The following ARHGEF3 variants were observed in gnomAD, a reference collection of about 807,000 sequenced individuals.
The protein encoded by ARHGEF3 is 59.8 kDA protein.
ARHGEF3 carries 28 observed loss-of-function variants against 63.2 expected under a neutral mutation model. That is an observed-to-expected ratio of 0.44 (90% CI 0.33 to 0.61). ARHGEF3 has a LOEUF of 0.61. Ranked by LOEUF, ARHGEF3 falls within the 20% of genes least tolerant of loss-of-function variation. The pLI, the probability that ARHGEF3 is intolerant of heterozygous loss-of-function variation, is 0.03. For missense variants in ARHGEF3, 533 were observed against 659.3 expected, an observed-to-expected ratio of 0.81 and a Z score of 2.10; for synonymous variants, 266 against 254.2, an observed-to-expected ratio of 1.05 and a Z score of -0.44.
chr3:56,789,469 C>T (rs2036977143), intron 1 of ARHGEF3, among the ~76,000 whole-genome samples: 1 of 152,226 alleles, frequency 6.6e-6, no homozygotes, highest in South Asian at 2.1e-4. Context: ...TAACGTAGCA[C>T]AGATTCATTT....
chr3:56,958,938 G>C, intron 2 of ARHGEF3: 1 of 1,506,980 alleles, frequency 6.6e-7, no homozygotes, highest in Non-Finnish European at 9.0e-7. Context: ...TGGATATTCA[G>C]AGGAAGTCAC....
At chr3:56,997,726 G>A (rs1702048236) in intron 2 of ARHGEF3, among the ~76,000 whole-genome samples, 1 of 152,112 alleles carries the variant, frequency 6.6e-6, no homozygotes, top group Non-Finnish European at 1.5e-5. Flanking sequence ...AGATGACGAA[G>A]GGTAAATGAT....
intron 1 of ARHGEF3, among the ~76,000 whole-genome samples, chr3:56,784,695 C>A (rs2107889554): frequency 6.6e-6 from 1 of 152,348 alleles, no homozygotes; most frequent in Non-Finnish European, 1.5e-5. Flanking sequence ...TCTGGGCTCT[C>A]TCAGAGCTTA....
chr3:57,023,044 A>G (rs757400216), intron 2 of ARHGEF3, among the ~76,000 whole-genome samples: 3 of 152,092 alleles, frequency 2.0e-5, no homozygotes, highest in African/African-American at 7.2e-5. Flanking sequence ...TGCTCACCCT[A>G]TCACATACTC....
At position 56,968,197 on chromosome 3, in the gene ARHGEF3, AATATATAAAAATATATATTATATATAAT is replaced by A. The variant is rs1403886164; in HGVS notation, c.63-9336_63-9309del. On this transcript the variant is annotated intron_variant, in intron 2 of 12. Coordinates refer to the ARHGEF3 transcript ENST00000338458. ...ATATATAAAAATATATATTATATAT[AATATATAAAAATATATATTATATATAAT>A]ATATATATAAATATATATATTAATA... Among the ~76,000 whole-genome samples the A allele has an allele frequency of 2.8e-3, 45 of 15,958 alleles. 2 individuals carry two copies. The highest frequency in any genetic ancestry group is 4.8e-3 in the Non-Finnish European group (35 of 7,334). 10.5% of individuals were successfully genotyped at this position (15,958 alleles called of 152,430 possible).
chr3:56,954,328 A>G (rs1278161267), intron 3 of ARHGEF3, among the ~76,000 whole-genome samples: 1 of 152,082 alleles, frequency 6.6e-6, no homozygotes, highest in African/African-American at 2.4e-5. Flanking sequence ...CCACCCCAAC[A>G]GGAGGAGCTG....
intron 2 of ARHGEF3, among the ~76,000 whole-genome samples, chr3:56,968,060 T>TATAC: frequency 1.0e-4 from 1 of 9,542 alleles, no homozygotes; most frequent in Non-Finnish European, 2.1e-4. Flanking sequence ...ATAATATATA[T>TATAC]AATATATATA....
chr3:57,006,910 C>T (rs994954304), intron 2 of ARHGEF3, among the ~76,000 whole-genome samples: 4 of 152,146 alleles, frequency 2.6e-5, no homozygotes. Context: ...ATGGCACAAC[C>T]CTGCTTAGGG....
At chr3:57,021,022 G>T (rs142799790) in intron 2 of ARHGEF3, among the ~76,000 whole-genome samples, 24 of 152,328 alleles carry the variant, frequency 1.6e-4, no homozygotes, top group African/African-American at 5.5e-4. Flanking sequence ...GCCTCAAACA[G>T]AAGGAAAGCT....
chr3:57,008,482 C>T (rs1343628841), intron 2 of ARHGEF3, among the ~76,000 whole-genome samples: 2 of 146,496 alleles, frequency 1.4e-5, no homozygotes, highest in African/African-American at 5.0e-5. Context: ...ACGGACAAGC[C>T]TTTTTTTTTT....
rs1012025534 is a variant in ARHGEF3, at chr3:56,744,424, G to A, written c.870+781C>T. Among the ~76,000 whole-genome samples, 4 of 142,236 alleles carry A rather than the reference G, an allele frequency of 2.8e-5. 1 individual carries two copies. 93.3% of individuals were successfully genotyped at this position (142,236 alleles called of 152,430 possible). A position where few individuals can be genotyped will look rare whatever the true frequency, so the allele number is the denominator to read the frequency against. On this transcript the variant is annotated intron_variant, in intron 7 of 9. Coordinates refer to ENST00000296315, the MANE Select transcript of ARHGEF3 (RefSeq NM_019555.3). ...TTTTTTTTTTTTTTTTGAGACAAGAGTCTCACTCTGTTGCCCAGGCTGGAG... is the reference window on the plus strand; with the variant it reads ...TTTTTTTTTTTTTTTTGAGACAAGAATCTCACTCTGTTGCCCAGGCTGGAG...
At chr3:56,932,294 C>CA (rs927075100) in intron 3 of ARHGEF3, among the ~76,000 whole-genome samples, 1 of 151,584 alleles carries the variant, frequency 6.6e-6, no homozygotes, top group South Asian at 2.1e-4. Flanking sequence ...CAAAACAAAA[C>CA]AAAAAAAAGT....
intron 3 of ARHGEF3, among the ~76,000 whole-genome samples, chr3:56,918,172 G>A (rs887203985): frequency 1.3e-5 from 2 of 152,144 alleles, no homozygotes; most frequent in Non-Finnish European, 2.9e-5. Flanking sequence ...CTAGCTTTGG[G>A]GACAATTCAG....
At chr3:56,918,600 G>C (rs562234390) in intron 3 of ARHGEF3, among the ~76,000 whole-genome samples, 1 of 152,330 alleles carries the variant, frequency 6.6e-6, no homozygotes, top group South Asian at 2.1e-4. Flanking sequence ...AGCAAAAACA[G>C]GGCACGGCCG....
At chr3:57,014,684 CT>C (rs34987425) in intron 2 of ARHGEF3, among the ~76,000 whole-genome samples, 47,129 of 146,538 alleles carry the variant, frequency 0.32, 7,939 homozygotes, top group Admixed American at 0.41. Context: ...AGCTTGTTAA[CT>C]TTTTTTTTTT....
At chr3:56,784,444 G>T (rs576204101) in intron 1 of ARHGEF3, among the ~76,000 whole-genome samples, 61 of 152,168 alleles carry the variant, frequency 4.0e-4, no homozygotes, top group Non-Finnish European at 7.3e-4. Context: ...ACACAACGAG[G>T]CACCCAGAGG....
chr3:56,943,270 A>G (rs1699278736), intron 3 of ARHGEF3, among the ~76,000 whole-genome samples: 1 of 152,200 alleles, frequency 6.6e-6, no homozygotes, highest in Non-Finnish European at 1.5e-5. Context: ...GGTGACTTTA[A>G]GTTGAAGCCA....
chr3:57,066,166 T>C (rs1463162408), intron 1 of ARHGEF3, among the ~76,000 whole-genome samples: 1 of 152,162 alleles, frequency 6.6e-6, no homozygotes, highest in Non-Finnish European at 1.5e-5. Context: ...AGGGAGGGAC[T>C]TATTTTGCAG....
intron 3 of ARHGEF3, among the ~76,000 whole-genome samples, chr3:56,892,064 T>G (rs1057238967): frequency 3.9e-5 from 6 of 152,100 alleles, no homozygotes; most frequent in African/African-American, 1.4e-4. Context: ...GGAGGAGACC[T>G]AGCCAGCCTG....
Sources: gnomAD v4.1 joint callset for allele counts (sites outside exome capture counted in the v4.1 genomes callset) on GRCh38, gnomAD v4.1.1 for gene constraint, MANE v1.5 for transcripts, NCBI Gene and HGNC (gene_info 2026-07-23, HGNC 2026-07-21) for gene names.